The following TENM2 variants were observed in gnomAD, a reference collection of about 807,000 sequenced individuals.
TENM2 encodes teneurin-2.
TENM2 carries 52 observed loss-of-function variants against 245.2 expected under a neutral mutation model. The observed-to-expected ratio is 0.21, with a 90% confidence interval of 0.17 to 0.27. TENM2 has a LOEUF of 0.27. TENM2 is among the 10% of genes least tolerant of loss of function. TENM2 has a pLI of 1.00. For missense variants in TENM2, 3,046 were observed against 3,666.8 expected (o/e 0.83, Z 4.37); for synonymous variants, 1,363 against 1,438.9 (o/e 0.95, Z 1.19).
At chr5:167,937,013 A>T (rs1470581234) in intron 3 of TENM2, among the ~76,000 whole-genome samples, 2 of 152,196 alleles carry the variant, frequency 1.3e-5, no homozygotes, top group Non-Finnish European at 2.9e-5. Flanking sequence ...GACAAATAAC[A>T]TTTGTATATA....
chr5:167,859,825 GT>G (rs1771549570), intron 2 of TENM2, among the ~76,000 whole-genome samples: 1 of 53,314 alleles, frequency 1.9e-5, no homozygotes. Flanking sequence ...CGTCTGGGAG[GT>G]GAGGGGCGCC....
At chr5:167,167,179 A>T in the TENM2 span, among the ~76,000 whole-genome samples, 1 of 152,156 alleles carries the variant, frequency 6.6e-6, no homozygotes, top group Non-Finnish European at 1.5e-5. Flanking sequence ...TTTTTATTGG[A>T]TCAGCAAGTC....
In TENM2 at chr5:167,755,131, C is replaced by T. The variant is rs182974478; in HGVS notation, c.503-120855C>T. ...AGCCAGATCATCTCTTATGGAGACC[C>T]GGCAGTACCTCACCTCAGTCTGTGA... On this transcript the variant is annotated intron_variant, in intron 2 of 28. Coordinates refer to ENST00000518659, the Ensembl canonical transcript of TENM2. The T allele has an allele frequency of 1.2e-4, 199 of 1,599,072 alleles. 1 individual carries two copies. In the Admixed American group the frequency reaches 2.9e-3, roughly 23 times the overall value.
intron 3 of TENM2, among the ~76,000 whole-genome samples, chr5:167,899,606 G>A (rs1048780570): frequency 1.3e-5 from 2 of 152,154 alleles, no homozygotes; most frequent in African/African-American, 4.8e-5. Flanking sequence ...AGTGAATTCA[G>A]GAAGTCCAGC....
chr5:167,284,525 TTTG>T (rs1387163017), upstream of TENM2, among the ~76,000 whole-genome samples: 1 of 152,238 alleles, frequency 6.6e-6, no homozygotes, highest in Non-Finnish European at 1.5e-5. Flanking sequence ...AAGATGAGTA[TTTG>T]TTGTTACTAT....
chr5:168,110,691 G>T (rs113429277), intron 9 of TENM2, among the ~76,000 whole-genome samples: 2 of 152,128 alleles, frequency 1.3e-5, no homozygotes, highest in Non-Finnish European at 2.9e-5. Flanking sequence ...CAACAAAAGC[G>T]TAAACCTCCT....
At chr5:167,684,146 T>C (rs1370072599) in intron 2 of TENM2, among the ~76,000 whole-genome samples, 2 of 152,202 alleles carry the variant, frequency 1.3e-5, no homozygotes, top group Non-Finnish European at 2.9e-5. Context: ...AGGAAGTACA[T>C]ACCCAGGCCT....
intron 2 of TENM2, among the ~76,000 whole-genome samples, chr5:167,716,817 A>G (rs1759292090): frequency 6.6e-6 from 1 of 151,924 alleles, no homozygotes. Context: ...AGTCTTTTTT[A>G]TAACTTTATT....
chr5:167,144,794 G>C, the TENM2 span, among the ~76,000 whole-genome samples: 549 of 152,306 alleles, frequency 3.6e-3, 2 homozygotes, highest in African/African-American at 0.013. Flanking sequence ...TTGCTTTAGT[G>C]TATGCTTTAG....
the TENM2 span, among the ~76,000 whole-genome samples, chr5:167,125,611 A>G: frequency 1.3e-5 from 2 of 152,338 alleles, no homozygotes; most frequent in Admixed American, 1.3e-4. Flanking sequence ...CTGATTCAAT[A>G]CTTTTGCTGA....
At chr5:167,680,539 G>A (rs908735817) in intron 2 of TENM2, among the ~76,000 whole-genome samples, 5 of 152,098 alleles carry the variant, frequency 3.3e-5, no homozygotes, top group Admixed American at 2.0e-4. Flanking sequence ...TCTTAAGCAC[G>A]GAGTGACACG....
intron 2 of TENM2, among the ~76,000 whole-genome samples, chr5:167,740,446 AT>A (rs542943727): frequency 4.1e-4 from 63 of 152,284 alleles, no homozygotes; most frequent in South Asian, 2.5e-3. Flanking sequence ...GTCAATTGAC[AT>A]TTTGTTGACA....
At chr5:167,276,254 C>T in the TENM2 span, among the ~76,000 whole-genome samples, 1 of 151,498 alleles carries the variant, frequency 6.6e-6, no homozygotes, top group Admixed American at 6.6e-5. Context: ...AAAATGATCC[C>T]CTTCCAATTT....
intron 2 of TENM2, among the ~76,000 whole-genome samples, chr5:167,462,534 A>G (rs1007644362): frequency 1.3e-5 from 2 of 152,104 alleles, no homozygotes; most frequent in East Asian, 3.9e-4. Context: ...TGCATTGCCA[A>G]TGGAGATGAC....
At chr5:168,227,436 G>T (rs1376007269) in intron 24 of TENM2, among the ~76,000 whole-genome samples, 1 of 151,984 alleles carries the variant, frequency 6.6e-6, no homozygotes, top group Non-Finnish European at 1.5e-5. Context: ...TTGATTTGTA[G>T]TGGATCTGGC....
intron 2 of TENM2, among the ~76,000 whole-genome samples, chr5:167,445,332 T>TAGAGAGAGAGAG (rs71591182): frequency 2.5e-3 from 194 of 76,892 alleles, no homozygotes; most frequent in Non-Finnish European, 4.0e-3. Context: ...TATATATATA[T>TAGAGAGAGAGAG]ATATAGAGAG....
At chr5:167,166,199 C>T in the TENM2 span, among the ~76,000 whole-genome samples, 1 of 152,128 alleles carries the variant, frequency 6.6e-6, no homozygotes. Flanking sequence ...AAACATTGTT[C>T]AGCACACATA....
chr5:167,686,776 G>A (rs1263105835), intron 2 of TENM2, among the ~76,000 whole-genome samples: 1 of 152,190 alleles, frequency 6.6e-6, no homozygotes, highest in African/African-American at 2.4e-5. Context: ...AGATGAATAT[G>A]GAACCTCAAG....
At chr5:167,261,270 A>G in the TENM2 span, among the ~76,000 whole-genome samples, 1 of 152,058 alleles carries the variant, frequency 6.6e-6, no homozygotes, top group African/African-American at 2.4e-5. Context: ...CACAGAGGTT[A>G]TGTCTTGTTC....
Sources: gnomAD v4.1 joint callset for allele counts (sites outside exome capture counted in the v4.1 genomes callset) on GRCh38, gnomAD v4.1.1 for gene constraint, MANE v1.5 for transcripts, NCBI Gene and HGNC (gene_info 2026-07-23, HGNC 2026-07-21) for gene names.